Variants in RBFOX1 observed in about 807,000 individuals in gnomAD.
RBFOX1 encodes the protein RNA binding fox-1 homolog 1, also known as RNA binding protein fox-1 homolog 1.
A neutral mutation model predicts 57.7 loss-of-function variants in RBFOX1; 8 were observed. The observed-to-expected ratio is 0.14, with a 90% CI of 0.08 to 0.25. RBFOX1 has a LOEUF of 0.25. Ranked by LOEUF, RBFOX1 falls within the 10% of genes least tolerant of loss-of-function variation. RBFOX1 has a pLI of 1.00. For missense variants in RBFOX1, 611 were observed against 548.5 expected (o/e 1.11, Z -1.14); for synonymous variants, 326 against 222.4 (o/e 1.47, Z -4.15).
intron 3 of RBFOX1, among the ~76,000 whole-genome samples, chr16:5,821,288 C>T (rs866189546): frequency 1.4e-4 from 18 of 125,474 alleles, no homozygotes; most frequent in African/African-American, 4.3e-4. Flanking sequence ...GTCATTCTCT[C>T]TTTTTTTATT....
intron 3 of RBFOX1, among the ~76,000 whole-genome samples, chr16:6,930,373 G>A (rs141410901): frequency 6.6e-6 from 1 of 152,180 alleles, no homozygotes; most frequent in Non-Finnish European, 1.5e-5. Context: ...AAGTCACAAT[G>A]AGATACCACC....
At chr16:7,050,000 G>C (rs1455025246) in intron 3 of RBFOX1, among the ~76,000 whole-genome samples, 1 of 152,142 alleles carries the variant, frequency 6.6e-6, no homozygotes, top group Non-Finnish European at 1.5e-5. Context: ...CCATTAAGCA[G>C]TCACTCCTCC....
intron 2 of RBFOX1, among the ~76,000 whole-genome samples, chr16:5,515,135 C>T (rs998783069): frequency 1.3e-5 from 2 of 152,192 alleles, no homozygotes; most frequent in South Asian, 4.1e-4. Context: ...GGACTCGGCC[C>T]CCATGACCCA....
At chr16:6,795,306 G>T (rs1272892924) in intron 3 of RBFOX1, among the ~76,000 whole-genome samples, 2 of 152,050 alleles carry the variant, frequency 1.3e-5, no homozygotes, top group South Asian at 2.1e-4. Context: ...ATCTAATTCA[G>T]TGATTTTTCC....
At position 7,619,781 on chromosome 16, in the gene RBFOX1, A is replaced by G. The variant is rs193230717; in HGVS notation, c.677-10822A>G. On this transcript the variant is annotated intron_variant, in intron 10 of 15. Transcript: ENST00000550418. ...ACAGTTTCTAATTTTTTTTTTCCTA[A>G]TCAGAGATTGCAAACTAAAATGTTT... 4.5e-3 allele frequency among the ~76,000 whole-genome samples: 680 copies of G among 152,156 alleles called. 5 individuals are homozygous for G. Among genetic ancestry groups the G allele is most frequent in the African/African-American group, 0.015 (643 of 41,506 alleles).
chr16:5,400,255 C>A (rs151180367), intron 1 of RBFOX1, among the ~76,000 whole-genome samples: 10 of 152,108 alleles, frequency 6.6e-5, no homozygotes, highest in Non-Finnish European at 1.5e-4. Context: ...CCACACCCGG[C>A]TGATTTTTGT....
intron 1 of RBFOX1, among the ~76,000 whole-genome samples, chr16:6,211,860 A>ATTTG (rs1373307021): frequency 2.0e-5 from 3 of 148,152 alleles, no homozygotes; most frequent in Non-Finnish European, 3.0e-5. Context: ...TTATTTATTT[A>ATTTG]TTTATTTTTA....
At chr16:5,548,726 G>A (rs1055448463) in intron 2 of RBFOX1, among the ~76,000 whole-genome samples, 2 of 152,254 alleles carry the variant, frequency 1.3e-5, no homozygotes, top group South Asian at 2.1e-4. Flanking sequence ...ATATTTCACT[G>A]TCTTGAGTGA....
intron 1 of RBFOX1, among the ~76,000 whole-genome samples, chr16:6,100,288 G>T (rs1332141035): frequency 6.6e-6 from 1 of 151,964 alleles, no homozygotes; most frequent in Non-Finnish European, 1.5e-5. Flanking sequence ...TCAGCCTCCC[G>T]AGGAGCTGGG....
At chr16:7,707,679 A>G (rs539501880) in intron 14 of RBFOX1, among the ~76,000 whole-genome samples, 10 of 151,948 alleles carry the variant, frequency 6.6e-5, no homozygotes, top group Non-Finnish European at 1.5e-4. Flanking sequence ...TGCATCACTC[A>G]CTCCTCAGGA....
At chr16:7,234,233 G>A (rs976452685) in intron 4 of RBFOX1, among the ~76,000 whole-genome samples, 5 of 152,022 alleles carry the variant, frequency 3.3e-5, no homozygotes, top group African/African-American at 1.2e-4. Flanking sequence ...TGGAGGCAGA[G>A]GTTACTCAGG....
intron 2 of RBFOX1, among the ~76,000 whole-genome samples, chr16:6,537,329 A>G (rs1407544024): frequency 6.6e-6 from 1 of 152,214 alleles, no homozygotes; most frequent in African/African-American, 2.4e-5. Context: ...TGTCTCTGCA[A>G]TAGAATTGCA....
At chr16:6,441,980 C>T (rs1205113065) in intron 2 of RBFOX1, among the ~76,000 whole-genome samples, 6 of 152,178 alleles carry the variant, frequency 3.9e-5, no homozygotes, top group Admixed American at 6.5e-5. Flanking sequence ...GACAATTCCA[C>T]ATGCCTGTGA....
chr16:7,313,201 T>C (rs1276389633), intron 4 of RBFOX1, among the ~76,000 whole-genome samples: 1 of 152,202 alleles, frequency 6.6e-6, no homozygotes, highest in Non-Finnish European at 1.5e-5. Flanking sequence ...CTGCTTAAAC[T>C]CGTTGACAGG....
At chr16:7,388,192 C>G (rs2097916659) in intron 4 of RBFOX1, among the ~76,000 whole-genome samples, 1 of 152,046 alleles carries the variant, frequency 6.6e-6, no homozygotes, top group Admixed American at 6.6e-5. Flanking sequence ...AAGATTAAGC[C>G]TTTCCTTCTT....
chr16:6,951,204 G>A (rs1473309188), intron 3 of RBFOX1, among the ~76,000 whole-genome samples: 1 of 152,072 alleles, frequency 6.6e-6, no homozygotes, highest in Non-Finnish European at 1.5e-5. Flanking sequence ...AACAGGCCCT[G>A]CCTAACTTTT....
chr16:6,740,253 C>T (rs958298534), intron 3 of RBFOX1, among the ~76,000 whole-genome samples: 6 of 152,070 alleles, frequency 3.9e-5, no homozygotes, highest in Admixed American at 3.3e-4. Flanking sequence ...GAATCGATAA[C>T]AGTTTTCTTA....
chr16:5,789,258 A>G (rs1299386204), intron 3 of RBFOX1, among the ~76,000 whole-genome samples: 1 of 152,186 alleles, frequency 6.6e-6, no homozygotes, highest in Non-Finnish European at 1.5e-5. Context: ...TGAATTAATT[A>G]TAATTTCTGA....
chr16:5,854,691 G>A (rs1350936861), intron 3 of RBFOX1, among the ~76,000 whole-genome samples: 2 of 152,076 alleles, frequency 1.3e-5, no homozygotes, highest in Admixed American at 6.6e-5. Context: ...ATGCTGCAGC[G>A]AACATGGGGG....
Sources: gnomAD v4.1 joint callset for allele counts (sites outside exome capture counted in the v4.1 genomes callset) on GRCh38, gnomAD v4.1.1 for gene constraint, MANE v1.5 for transcripts, NCBI Gene and HGNC (gene_info 2026-07-23, HGNC 2026-07-21) for gene names.